VWA3B: variants seen among roughly 807,000 people sequenced by gnomAD.
VWA3B encodes von Willebrand factor A domain containing 3B.
In VWA3B, 138 loss-of-function variants were observed where a neutral mutation model predicts 158.3. The ratio of observed to expected loss-of-function variants is 0.87; its 90% CI spans 0.76 to 1.00. The LOEUF (loss-of-function observed/expected upper bound fraction) is 1.00, where lower values mean the gene tolerates loss of function less well. Among genes scored for constraint, VWA3B ranks in the 50% least tolerant of loss-of-function variants. VWA3B has a pLI of 0.00. For synonymous variants in VWA3B, 596 were observed against 587.3 expected, an observed-to-expected ratio of 1.01 and a Z score of -0.21; for missense variants, 1,555 against 1,565.1, an observed-to-expected ratio of 0.99 and a Z score of 0.11.
chr2:98,094,633 A>G (rs1382363426), intron 2 of VWA3B, among the ~76,000 whole-genome samples: 2 of 151,378 alleles, frequency 1.3e-5, no homozygotes, highest in Non-Finnish European at 1.5e-5. Context: ...CTTTGATGTA[A>G]TCTCATTTGT....
intron 24 of VWA3B, among the ~76,000 whole-genome samples, chr2:98,298,705 T>C (rs1689994734): frequency 1.3e-5 from 2 of 152,328 alleles, no homozygotes; most frequent in Admixed American, 6.5e-5. Context: ...AACAAAGGAA[T>C]GGAACACAGG....
intron 20 of VWA3B, among the ~76,000 whole-genome samples, chr2:98,255,468 A>C (rs552485323): frequency 4.6e-5 from 7 of 152,088 alleles, no homozygotes; most frequent in African/African-American, 1.7e-4. Flanking sequence ...ACTCTGAAGA[A>C]GCAACACTGA....
chr2:98,128,412 G>A lies in VWA3B; in HGVS notation c.872+4G>A, dbSNP rs762851674. 6.2e-7 allele frequency: 1 copy of A among 1,611,722 alleles called. No individual in the cohort carries two copies. Among genetic ancestry groups the A allele is most frequent in the South Asian group, 1.1e-5 (1 of 91,004 alleles). ...TGAGTGCCAAGACCCACAGCAGGTA[G>A]GCAGAAAATGTGCTCTTGAGTGACA... On this transcript the variant is annotated splice_donor_region_variant and intron_variant, in intron 6 of 27. Transcript: ENST00000477737.
chr2:98,312,429 C>G lies in VWA3B; in HGVS notation c.*80C>G. 1.3e-6 allele frequency: 2 copies of G among 1,511,898 alleles called. 1 individual carries two copies. Among genetic ancestry groups the G allele is most frequent in the South Asian group, 2.6e-5 (2 of 76,248 alleles). The allele number at this position is 1,511,898 out of a possible 1,614,324, so 93.7% of individuals were successfully genotyped here. ...ACCTCAGCGTTGACACTGAAACTGGCCCCTCCGCGGAGGTAAGGCCGCCCT... is the reference window on the plus strand; with the variant it reads ...ACCTCAGCGTTGACACTGAAACTGGGCCCTCCGCGGAGGTAAGGCCGCCCT... On this transcript the variant is annotated 3_prime_UTR_variant, in exon 28 of 28. Transcript: ENST00000477737.
chr2:98,156,084 GTCTGCCACAGGT>G lies in VWA3B; in HGVS notation c.989-6762_989-6751del, dbSNP rs1300189375. ...CTGCACTGACAAGCATTTCAGGGGC[GTCTGCCACAGGT>G]TCTGAGGACCACACTCTGGGAAGAC... On this transcript the variant is annotated intron_variant, in intron 7 of 27. Coordinates refer to ENST00000477737, the MANE Select transcript of VWA3B (RefSeq NM_144992.5). 3.9e-5 allele frequency among the ~76,000 whole-genome samples: 6 copies of G among 152,300 alleles called. No individual in the cohort carries two copies. The East Asian group carries it at 1.2e-3, about 29-fold the overall frequency.
rs932670931 is a variant in VWA3B at position 98,090,614 on chromosome 2, A to G, written c.-32-2447A>G. Reference sequence around the variant, plus strand: ...GTGATGCTCTCCAAGTAATATTGCAATATTCTCCTCAAATTGAGCCTTTGT... The same window carrying G: ...GTGATGCTCTCCAAGTAATATTGCAGTATTCTCCTCAAATTGAGCCTTTGT... On this transcript the variant is annotated intron_variant, in intron 1 of 27. Transcript: ENST00000477737. Among the ~76,000 whole-genome samples the G allele has an allele frequency of 5.9e-5, 9 of 152,344 alleles. No homozygotes were observed. The East Asian group carries it at 9.6e-4, about 16-fold the overall frequency.
intron 24 of VWA3B, among the ~76,000 whole-genome samples, chr2:98,299,452 C>T (rs1390664985): frequency 6.6e-6 from 1 of 152,166 alleles, no homozygotes; most frequent in Non-Finnish European, 1.5e-5. Flanking sequence ...GCTGTCTTGC[C>T]CAGTGTGAGC....
intron 17 of VWA3B, 152 bp downstream of exon 17, chr2:98,234,919 T>G: frequency 1.6e-6 from 2 of 1,236,630 alleles, no homozygotes; most frequent in Non-Finnish European, 2.2e-6. Flanking sequence ...AAGTCAGGTC[T>G]GCCTGCTTTA....
chr2:98,310,648 A>G (rs1293801663), intron 26 of VWA3B, among the ~76,000 whole-genome samples: 1 of 152,204 alleles, frequency 6.6e-6, no homozygotes, highest in African/African-American at 2.4e-5. Context: ...AAGATTTTAG[A>G]CTTCACAGAG....
At chr2:98,165,811 G>T (rs943188924) in intron 8 of VWA3B, among the ~76,000 whole-genome samples, 1 of 152,144 alleles carries the variant, frequency 6.6e-6, no homozygotes, top group Non-Finnish European at 1.5e-5. Flanking sequence ...CTGCTCACAT[G>T]TAGTGACACC....
chr2:98,107,469 T>A (rs1037626650), intron 2 of VWA3B, among the ~76,000 whole-genome samples: 1 of 152,154 alleles, frequency 6.6e-6, no homozygotes, highest in African/African-American at 2.4e-5. Context: ...TAATTATTCT[T>A]TAAACATTTG....
In VWA3B at chr2:98,179,573, G is replaced by A. The variant is rs534529937; in HGVS notation, c.1115-1443G>A. On this transcript the variant is annotated intron_variant, in intron 8 of 27. Transcript: ENST00000477737. ...GCCTCCTAGCCTTCGCGTGTTGATCGCCTCCACCTCATCACTTCTCTTTCC... is the reference window on the plus strand; with the variant it reads ...GCCTCCTAGCCTTCGCGTGTTGATCACCTCCACCTCATCACTTCTCTTTCC... Among the ~76,000 whole-genome samples the A allele has an allele frequency of 3.3e-5, 5 of 152,198 alleles. No individual in the cohort carries two copies. In the South Asian group the frequency reaches 6.2e-4, roughly 19 times the overall value.
At chr2:98,279,974 C>G (rs1574267486) in intron 22 of VWA3B, among the ~76,000 whole-genome samples, 1 of 152,222 alleles carries the variant, frequency 6.6e-6, no homozygotes, top group African/African-American at 2.4e-5. Flanking sequence ...CATTTGCACA[C>G]CAGTCTCGTG....
intron 12 of VWA3B, among the ~76,000 whole-genome samples, chr2:98,196,679 T>G (rs1308294047): frequency 1.3e-5 from 2 of 152,172 alleles, no homozygotes. Context: ...TCTCTCTGTC[T>G]GCCTCTTCCC....
downstream of VWA3B, among the ~76,000 whole-genome samples, chr2:98,314,586 T>A (rs1691048651): frequency 6.6e-6 from 1 of 152,180 alleles, no homozygotes; most frequent in African/African-American, 2.4e-5. Flanking sequence ...CAAATACCTG[T>A]GTCCCAGAAC....
intron 20 of VWA3B, among the ~76,000 whole-genome samples, chr2:98,252,940 A>G (rs1340545366): frequency 6.6e-6 from 1 of 152,222 alleles, no homozygotes; most frequent in Non-Finnish European, 1.5e-5. Context: ...CAAGTTATTA[A>G]TAACAATTTT....
chr2:98,088,662 G>C (rs981866429), intron 1 of VWA3B, among the ~76,000 whole-genome samples: 3 of 152,058 alleles, frequency 2.0e-5, no homozygotes, highest in Admixed American at 6.6e-5. Flanking sequence ...GGGTTACTTG[G>C]TTCCCCAATT....
At chr2:98,099,407 C>G (rs1369420506) in intron 2 of VWA3B, 1 of 152,094 alleles carries the variant, frequency 6.6e-6, no homozygotes, top group Admixed American at 6.5e-5. Flanking sequence ...ATATATGATT[C>G]TATTCTCTTC....
intron 9 of VWA3B, 70 bp downstream of exon 9, chr2:98,181,282 G>A: frequency 6.6e-7 from 1 of 1,515,044 alleles, no homozygotes. Flanking sequence ...GGCCTCCATC[G>A]GGTCAGAAGG....
Sources: gnomAD v4.1 joint callset for allele counts (sites outside exome capture counted in the v4.1 genomes callset) on GRCh38, gnomAD v4.1.1 for gene constraint, MANE v1.5 for transcripts, NCBI Gene and HGNC (gene_info 2026-07-23, HGNC 2026-07-21) for gene names.